EEIG1: variants seen among roughly 807,000 people sequenced by gnomAD.
EEIG1 encodes estrogen-induced osteoclastogenesis regulator 1.
the EEIG1 span, chr9:127,980,004 C>G: frequency 6.2e-7 from 1 of 1,612,554 alleles, no homozygotes; most frequent in African/African-American, 1.3e-5. Flanking sequence ...TGACGACAAG[C>G]TGACAAAATC....
chr9:127,977,378 A>G, the EEIG1 span, among the ~76,000 whole-genome samples: 1 of 152,206 alleles, frequency 6.6e-6, no homozygotes, highest in East Asian at 1.9e-4. Context: ...CCTAATGGGG[A>G]AGCAGGTTTG....
chr9:127,960,979 TAA>T, the EEIG1 span, among the ~76,000 whole-genome samples: 1 of 129,248 alleles, frequency 7.7e-6, no homozygotes, highest in Admixed American at 7.4e-5. Context: ...ACAGCAAGGG[TAA>T]AAAAAAAACC....
chr9:127,980,279 T>A, the EEIG1 span: 1 of 995,848 alleles, frequency 1.0e-6, no homozygotes, highest in African/African-American at 1.7e-5. Flanking sequence ...GAGATCGGAG[T>A]CCGGGGCCCC....
At chr9:127,958,674 A>AG in the EEIG1 span, among the ~76,000 whole-genome samples, 1 of 152,184 alleles carries the variant, frequency 6.6e-6, no homozygotes, top group Middle Eastern at 3.4e-3. Context: ...TAAAAAAAAA[A>AG]GAAAAAACAA....
At chr9:127,979,955 C>A in the EEIG1 span, 1 of 1,593,958 alleles carries the variant, frequency 6.3e-7, no homozygotes, top group Non-Finnish European at 8.5e-7. Context: ...TCGCTCATCA[C>A]CCCCGCTGCT....
chr9:127,944,506 CTG>C, the EEIG1 span: 1 of 778,280 alleles, frequency 1.3e-6, no homozygotes, highest in South Asian at 1.6e-5. Context: ...CAGGGTCACA[CTG>C]TGGCGACAAG....
At chr9:127,969,198 C>A in the EEIG1 span, among the ~76,000 whole-genome samples, 123 of 152,300 alleles carry the variant, frequency 8.1e-4, no homozygotes, top group Non-Finnish European at 1.2e-3. Context: ...GCAATTCTCC[C>A]CCACCCCACT....
the EEIG1 span, among the ~76,000 whole-genome samples, chr9:127,980,903 C>T: frequency 1.3e-5 from 2 of 149,186 alleles, no homozygotes; most frequent in Non-Finnish European, 3.0e-5. Context: ...GCCCGCCTCG[C>T]CCGGCACCCT....
the EEIG1 span, among the ~76,000 whole-genome samples, chr9:127,980,878 G>A: frequency 6.7e-6 from 1 of 148,922 alleles, no homozygotes; most frequent in African/African-American, 2.4e-5. Flanking sequence ...GGCGCCCTTC[G>A]GCCCGGCCGG....
chr9:127,969,350 A>G, the EEIG1 span, among the ~76,000 whole-genome samples: 1 of 152,144 alleles, frequency 6.6e-6, no homozygotes, highest in Non-Finnish European at 1.5e-5. Context: ...ACAGGAAGAG[A>G]GAAGAGAAAC....
the EEIG1 span, among the ~76,000 whole-genome samples, chr9:127,949,538 A>G: frequency 2.6e-5 from 4 of 152,156 alleles, no homozygotes; most frequent in African/African-American, 9.7e-5. Flanking sequence ...CCTGAGGTGC[A>G]CAGGGCTACT....
chr9:127,940,797 G>C, the EEIG1 span: 13 of 151,720 alleles, frequency 8.6e-5, no homozygotes, highest in African/African-American at 3.1e-4. Flanking sequence ...CCTAAAGACA[G>C]AGGAGAACAT....
chr9:127,945,763 A>C, the EEIG1 span: 2 of 1,542,122 alleles, frequency 1.3e-6, no homozygotes, highest in African/African-American at 1.4e-5. This position sits in a 1 kb window ranked among gnomAD's most constrained non-coding sequence, Gnocchi z 6.5. Flanking sequence ...CCTGGAAGGC[A>C]GGAAGGGGCA....
the EEIG1 span, among the ~76,000 whole-genome samples, chr9:127,972,324 A>C: frequency 6.6e-6 from 1 of 152,088 alleles, no homozygotes; most frequent in Non-Finnish European, 1.5e-5. The surrounding 1 kb of genome is among the most constrained non-coding windows in gnomAD (Gnocchi z 4.3). Context: ...CCCCGAGTGC[A>C]AAGTGTCCTC....
At chr9:127,960,862 C>A in the EEIG1 span, among the ~76,000 whole-genome samples, 2 of 152,126 alleles carry the variant, frequency 1.3e-5, no homozygotes, top group East Asian at 3.9e-4. Context: ...AGGGTCAGCA[C>A]TGGGCCTCCC....
chr9:127,950,539 G>C, the EEIG1 span: 2 of 1,613,636 alleles, frequency 1.2e-6, no homozygotes, highest in African/African-American at 1.3e-5. Context: ...GCGAAGCCCA[G>C]CTAGGAGGTG....
the EEIG1 span, chr9:127,947,975 C>T: frequency 7.2e-7 from 1 of 1,382,002 alleles, no homozygotes; most frequent in Non-Finnish European, 9.9e-7. Flanking sequence ...CATCACTCTC[C>T]CCTCAGTCAG....
the EEIG1 span, chr9:127,954,046 T>G: frequency 8.5e-7 from 1 of 1,171,656 alleles, no homozygotes; most frequent in South Asian, 1.4e-5. Context: ...CCACTTTCAC[T>G]CTGTGTCACA....
At chr9:127,971,636 G>A in the EEIG1 span, among the ~76,000 whole-genome samples, 451 of 152,186 alleles carry the variant, frequency 3.0e-3, 3 homozygotes, top group Admixed American at 0.011. Flanking sequence ...GAAAAGCCCC[G>A]GCACCAGGAC....
Sources: gnomAD v4.1 joint callset for allele counts (sites outside exome capture counted in the v4.1 genomes callset) on GRCh38, gnomAD v4.1.1 for gene constraint, Gnocchi (gnomAD v3.1) non-coding constraint, MANE v1.5 for transcripts, NCBI Gene and HGNC (gene_info 2026-07-23, HGNC 2026-07-21) for gene names.